KCNQ5: variants seen among roughly 807,000 people sequenced by gnomAD.
KCNQ5 encodes the protein potassium voltage-gated channel subfamily KQT member 5.
Under a neutral mutation model 98.2 loss-of-function variants are expected in KCNQ5, and 30 were observed. The observed-to-expected ratio is 0.31, with a 90% CI of 0.23 to 0.41. The LOEUF (loss-of-function observed/expected upper bound fraction) is 0.41. Ranked by LOEUF, KCNQ5 falls within the 10% of genes least tolerant of loss-of-function variation. KCNQ5 has a pLI of 1.00. For missense variants in KCNQ5, 835 were observed against 1,182.5 expected (o/e 0.71, Z 4.31); for synonymous variants, 458 against 449.4 (o/e 1.02, Z -0.24).
At chr6:73,055,479 C>A (rs1582268312) in intron 3 of KCNQ5, 1 of 1,550,980 alleles carries the variant, frequency 6.4e-7, no homozygotes, top group East Asian at 2.3e-5. Context: ...CCCTACCATC[C>A]TTTCTACAGC....
intron 1 of KCNQ5, among the ~76,000 whole-genome samples, chr6:72,931,254 C>G (rs148488448): frequency 6.2e-4 from 94 of 152,180 alleles, no homozygotes; most frequent in Non-Finnish European, 8.5e-4. Flanking sequence ...TTTTTTATTA[C>G]ATCATTTGTC....
At chr6:72,784,678 C>A (rs1582283575) in intron 1 of KCNQ5, among the ~76,000 whole-genome samples, 1 of 152,178 alleles carries the variant, frequency 6.6e-6, no homozygotes. Context: ...CACCTCCAAC[C>A]TGCATTCCAG....
intron 2 of KCNQ5, among the ~76,000 whole-genome samples, chr6:73,034,598 C>CA (rs1771305905): frequency 1.3e-5 from 2 of 152,066 alleles, no homozygotes; most frequent in East Asian, 1.9e-4. Context: ...AATTTGTACC[C>CA]AAAAAATCAA....
At chr6:72,839,082 T>A (rs941479420) in intron 1 of KCNQ5, among the ~76,000 whole-genome samples, 30 of 151,756 alleles carry the variant, frequency 2.0e-4, no homozygotes, top group African/African-American at 6.1e-4. Flanking sequence ...TATAAAATGA[T>A]TTTTTTCATG....
At chr6:73,112,578 C>T (rs1022876732) in intron 7 of KCNQ5, among the ~76,000 whole-genome samples, 1 of 152,168 alleles carries the variant, frequency 6.6e-6, no homozygotes, top group African/African-American at 2.4e-5. Flanking sequence ...ATCTCTCAAC[C>T]TCGTGATCCG....
At chr6:72,926,316 A>G (rs1765416261) in intron 1 of KCNQ5, among the ~76,000 whole-genome samples, 2 of 152,226 alleles carry the variant, frequency 1.3e-5, no homozygotes, top group Non-Finnish European at 2.9e-5. Context: ...ATACTGCATT[A>G]AAAACTAGCA....
chr6:72,658,124 T>C (rs940569184), intron 1 of KCNQ5, among the ~76,000 whole-genome samples: 1 of 152,184 alleles, frequency 6.6e-6, no homozygotes, highest in South Asian at 2.1e-4. Flanking sequence ...AAAGATTCAG[T>C]CTGAATTCCA....
chr6:72,869,670 C>G (rs898288475), intron 1 of KCNQ5, among the ~76,000 whole-genome samples: 1 of 152,096 alleles, frequency 6.6e-6, no homozygotes, highest in African/African-American at 2.4e-5. Flanking sequence ...AAGGATGAAA[C>G]TTTTGCTTTG....
chr6:72,653,309 T>C (rs1765971936), intron 1 of KCNQ5, among the ~76,000 whole-genome samples: 1 of 151,976 alleles, frequency 6.6e-6, no homozygotes, highest in Non-Finnish European at 1.5e-5. Flanking sequence ...GTTTTGGCTT[T>C]AAAGATCCTC....
intron 1 of KCNQ5, among the ~76,000 whole-genome samples, chr6:72,815,548 T>C (rs1415295729): frequency 6.6e-6 from 1 of 151,840 alleles, no homozygotes; most frequent in Non-Finnish European, 1.5e-5. Flanking sequence ...AGTTGAAGAG[T>C]AGATTGGTTC....
intron 1 of KCNQ5, among the ~76,000 whole-genome samples, chr6:72,672,341 A>G (rs1327803015): frequency 6.6e-6 from 1 of 151,722 alleles, no homozygotes; most frequent in Non-Finnish European, 1.5e-5. Context: ...CGAGTGATCC[A>G]CGCATCTCTG....
chr6:72,682,072 A>T (rs1374883008), intron 1 of KCNQ5, among the ~76,000 whole-genome samples: 2 of 152,182 alleles, frequency 1.3e-5, no homozygotes, highest in East Asian at 3.8e-4. Context: ...CAGTAGAGTT[A>T]TCTCTGTCCA....
chr6:73,111,423 G>C lies in KCNQ5; in HGVS notation c.1125+20G>C. The stretch of plus-strand genomic sequence containing the variant: ...ATTCAGGTAAATGTCAATGTAATAG[G>C]TAGATGGCAACATTTGTGTCCATAG... On this transcript the variant is annotated intron_variant, in intron 7 of 13. Transcript: ENST00000370398. 1 of 1,521,614 alleles carries C rather than the reference G, an allele frequency of 6.6e-7. No individual in the cohort carries two copies. Among genetic ancestry groups the C allele is most frequent in the Non-Finnish European group, 9.0e-7 (1 of 1,108,560 alleles). 94.3% of individuals were successfully genotyped at this position (1,521,614 alleles called of 1,614,324 possible). A position where few individuals can be genotyped will look rare whatever the true frequency, so the allele number is the denominator to read the frequency against.
At chr6:73,001,138 C>CT (rs1444911690) in intron 1 of KCNQ5, among the ~76,000 whole-genome samples, 1 of 152,164 alleles carries the variant, frequency 6.6e-6, no homozygotes, top group South Asian at 2.1e-4. Flanking sequence ...CAAACACCAT[C>CT]TTTTTTTTGG....
chr6:72,636,866 T>A (rs1250812879), intron 1 of KCNQ5, among the ~76,000 whole-genome samples: 3 of 152,218 alleles, frequency 2.0e-5, no homozygotes, highest in African/African-American at 7.2e-5. Flanking sequence ...TCCAGTGGCA[T>A]TTAGCTATTG....
intron 9 of KCNQ5, among the ~76,000 whole-genome samples, chr6:73,131,535 T>C (rs191045853): frequency 8.5e-4 from 129 of 152,204 alleles, no homozygotes; most frequent in African/African-American, 2.8e-3. Context: ...ACTAGATCAT[T>C]GTAAATTTAA....
intron 3 of KCNQ5, among the ~76,000 whole-genome samples, chr6:73,058,004 A>G (rs1582272960): frequency 6.6e-6 from 1 of 152,366 alleles, no homozygotes; most frequent in South Asian, 2.1e-4. Flanking sequence ...AGAAATTCCT[A>G]TTCCATAAAT....
intron 1 of KCNQ5, among the ~76,000 whole-genome samples, chr6:72,799,759 A>G (rs1774537749): frequency 6.6e-6 from 1 of 152,202 alleles, no homozygotes; most frequent in East Asian, 1.9e-4. Flanking sequence ...AATGAGAATT[A>G]TAACCAGCCT....
chr6:72,969,795 T>C (rs1307139766), intron 1 of KCNQ5, among the ~76,000 whole-genome samples: 2 of 152,202 alleles, frequency 1.3e-5, no homozygotes, highest in Non-Finnish European at 2.9e-5. Context: ...CTATCCCTAT[T>C]TCTGTTACTG....
Sources: allele counts gnomAD v4.1 joint callset (sites outside exome capture counted in the v4.1 genomes callset), GRCh38; gene constraint gnomAD v4.1.1; transcripts MANE v1.5; gene names NCBI Gene and HGNC (gene_info 2026-07-23, HGNC 2026-07-21).